The following RPS6KA3 variants were observed in gnomAD, a reference collection of about 807,000 sequenced individuals.
The protein encoded by RPS6KA3 is ribosomal protein S6 kinase A3.
In RPS6KA3, 4 loss-of-function variants were observed where a neutral mutation model predicts 67.2. The observed-to-expected ratio is 0.06, with a 90% CI of 0.03 to 0.14. RPS6KA3 has a LOEUF of 0.14. RPS6KA3 is among the 10% of genes least tolerant of loss of function. RPS6KA3 has a pLI of 1.00. For synonymous variants in RPS6KA3, 182 were observed against 183.7 expected, an observed-to-expected ratio of 0.99 and a Z score of 0.07; for missense variants, 204 against 559.0, an observed-to-expected ratio of 0.36 and a Z score of 6.40.
chrX:20,224,949 A>G (rs755757290), intron 2 of RPS6KA3, among the ~76,000 whole-genome samples: 71 of 111,647 alleles, frequency 6.4e-4, no homozygotes, highest in African/African-American at 2.1e-3. Context: ...CTTAGCCTGA[A>G]GTTCTTTTTA....
At position 20,152,823 on chromosome X, in the gene RPS6KA3, C is replaced by T. The variant is rs1294890602; in HGVS notation, c.*2575G>A. 1.8e-5 allele frequency: 2 copies of T among 111,978 alleles called. No homozygotes were observed. The highest frequency in any genetic ancestry group is 1.9e-5 in the Non-Finnish European group (1 of 53,199). The allele number at this position is 111,978 out of a possible 1,213,427, so 9.2% of individuals were successfully genotyped here. On this transcript the variant is annotated 3_prime_UTR_variant, in exon 22 of 22. Transcript: ENST00000379565. ...TTGGCTAGGCAAAGAAGGCAATTAT[C>T]TTCGAAAGAAATAAAAGTTGGCATC...
chrX:20,170,877 C>G (rs1049784535), intron 15 of RPS6KA3, among the ~76,000 whole-genome samples: 2 of 110,947 alleles, frequency 1.8e-5, no homozygotes, highest in East Asian at 2.8e-4. Flanking sequence ...TGAGCTCAAG[C>G]AATCCTTCCG....
At position 20,177,418 on chromosome X, in the gene RPS6KA3, A is replaced by G. The variant is rs750788872; in HGVS notation, c.846-334T>C. 2.1e-4 allele frequency among the ~76,000 whole-genome samples: 24 copies of G among 112,502 alleles called. 1 individual carries two copies. Among genetic ancestry groups the G allele is most frequent in the Admixed American group, 2.0e-3 (21 of 10,620 alleles). On this transcript the variant is annotated intron_variant, in intron 10 of 21. Transcript: ENST00000379565. Reference sequence around the variant, plus strand: ...CTTCTGTATGAATATGTCACAGTTTATTTATCCATTATCTGTTGAAGGACA... The same window carrying G: ...CTTCTGTATGAATATGTCACAGTTTGTTTATCCATTATCTGTTGAAGGACA...
intron 11 of RPS6KA3, 120 bp from the exon 12 acceptor site, chrX:20,176,618 G>C (rs2067706650): frequency 3.7e-6 from 2 of 535,324 alleles, no homozygotes; most frequent in Non-Finnish European, 6.3e-6. Context: ...TTGAGACAAG[G>C]GCTTGCTCTG....
chrX:20,189,071 C>T (rs1466640954), intron 7 of RPS6KA3, among the ~76,000 whole-genome samples: 3 of 112,042 alleles, frequency 2.7e-5, no homozygotes, highest in African/African-American at 6.5e-5. Flanking sequence ...TGAGCCACTG[C>T]GTGCCCAGCT....
At chrX:20,246,115 C>T (rs1349817285) in intron 1 of RPS6KA3, among the ~76,000 whole-genome samples, 2 of 76,637 alleles carry the variant, frequency 2.6e-5, no homozygotes, top group African/African-American at 6.8e-5. Flanking sequence ...GACTCCATCT[C>T]GGAAAAGAAA....
chrX:20,154,706 C>T lies in RPS6KA3; in HGVS notation c.*692G>A, dbSNP rs191110223. The T allele has an allele frequency of 8.8e-6, 1 of 113,368 alleles. No individual in the cohort carries two copies. Among genetic ancestry groups the T allele is most frequent in the Non-Finnish European group, 1.9e-5 (1 of 53,916 alleles). The allele number at this position is 113,368 out of a possible 1,213,427, so 9.3% of individuals were successfully genotyped here. On this transcript the variant is annotated 3_prime_UTR_variant, in exon 22 of 22. Coordinates refer to ENST00000379565, the MANE Select transcript of RPS6KA3 (RefSeq NM_004586.3). The stretch of plus-strand genomic sequence containing the variant: ...TGACTTTAAGAAACAAACAAATGAA[C>T]GAACCAGTGAAACAGACGTGGGGAA...
intron 16 of RPS6KA3, among the ~76,000 whole-genome samples, chrX:20,168,877 GGGTCTTGCTCTGCTGCGCTGGCTGGA>G (rs2067504745): frequency 9.0e-6 from 1 of 111,648 alleles, no homozygotes; most frequent in Non-Finnish European, 1.9e-5. Flanking sequence ...TTTTGAGACA[GGGTCTTGCTCTGCTGCGCTGGCTGGA>G]GTGCAGTGGT....
At chrX:20,214,700 C>T (rs752070722) in intron 2 of RPS6KA3, among the ~76,000 whole-genome samples, 1 of 111,566 alleles carries the variant, frequency 9.0e-6, no homozygotes, top group African/African-American at 3.3e-5. Flanking sequence ...TCTAACATAT[C>T]TTTGATAATT....
rs1466207169 is a variant in RPS6KA3 at position 20,153,766 on chromosome X, C to A, written c.*1632G>T. On this transcript the variant is annotated 3_prime_UTR_variant, in exon 22 of 22. Transcript: ENST00000379565. ...TCCTGAGTAGCTAGGATTACAGGTG[C>A]ACGCCACCATGCCCAGCTAATTTTT... The A allele has an allele frequency of 1.8e-5, 2 of 110,649 alleles. No individual in the cohort carries two copies. 9.1% of individuals were successfully genotyped at this position (110,649 alleles called of 1,213,427 possible).
At position 20,154,631 on chromosome X, in the gene RPS6KA3, G is replaced by A. The variant is rs1191912453; in HGVS notation, c.*767C>T. ...TCTTGATTTCATGCCACACACATAT[G>A]ATAACTTTCTCTACCATAACAGCTC... is the stretch of plus-strand genomic sequence containing the variant. On this transcript the variant is annotated 3_prime_UTR_variant, in exon 22 of 22. Coordinates refer to ENST00000379565, the MANE Select transcript of RPS6KA3 (RefSeq NM_004586.3). The A allele has an allele frequency of 8.9e-6, 1 of 112,903 alleles. No homozygotes were observed. Among genetic ancestry groups the A allele is most frequent in the Non-Finnish European group, 1.9e-5 (1 of 53,485 alleles). The allele number at this position is 112,903 out of a possible 1,213,427, so 9.3% of individuals were successfully genotyped here. A position where few individuals can be genotyped will look rare whatever the true frequency, so the allele number is the denominator to read the frequency against.
chrX:20,198,276 G>A (rs184444583), intron 4 of RPS6KA3, among the ~76,000 whole-genome samples: 1 of 112,022 alleles, frequency 8.9e-6, no homozygotes, highest in East Asian at 2.8e-4. Context: ...ACCAGAGAAA[G>A]CTAAAAATCT....
At chrX:20,206,343 A>C (rs1333057031) in intron 3 of RPS6KA3, among the ~76,000 whole-genome samples, 2 of 112,368 alleles carry the variant, frequency 1.8e-5, no homozygotes, top group Non-Finnish European at 3.8e-5. Flanking sequence ...GAAGCATGCT[A>C]ATTCCAACAA....
intron 1 of RPS6KA3, among the ~76,000 whole-genome samples, chrX:20,249,077 C>T (rs1343482747): frequency 8.9e-6 from 1 of 112,212 alleles, no homozygotes; most frequent in Non-Finnish European, 1.9e-5. Context: ...AATCATATAG[C>T]ATGTGACCTT....
At chrX:20,210,015 C>T (rs923736979) in intron 2 of RPS6KA3, among the ~76,000 whole-genome samples, 1 of 111,428 alleles carries the variant, frequency 9.0e-6, no homozygotes, top group African/African-American at 3.3e-5. Context: ...AACTCTAAAA[C>T]ACAAAAGGAG....
chrX:20,213,101 C>T (rs2068759857), intron 2 of RPS6KA3, among the ~76,000 whole-genome samples: 1 of 111,968 alleles, frequency 8.9e-6, no homozygotes, highest in South Asian at 3.7e-4. Flanking sequence ...ATGGCCTCAA[C>T]CTACTTTTGT....
intron 2 of RPS6KA3, among the ~76,000 whole-genome samples, chrX:20,226,113 C>T (rs962325647): frequency 9.0e-6 from 1 of 111,262 alleles, no homozygotes; most frequent in Non-Finnish European, 1.9e-5. Context: ...ACCTGGGAGG[C>T]GGAGGTTGCA....
At chrX:20,212,890 T>A (rs1243544908) in intron 2 of RPS6KA3, among the ~76,000 whole-genome samples, 1 of 112,047 alleles carries the variant, frequency 8.9e-6, no homozygotes, top group East Asian at 2.8e-4. Flanking sequence ...TAAGCCTTCA[T>A]TACCTTTCAG....
At chrX:20,256,767 T>C (rs974862508) in intron 1 of RPS6KA3, among the ~76,000 whole-genome samples, 1 of 112,015 alleles carries the variant, frequency 8.9e-6, no homozygotes, top group Non-Finnish European at 1.9e-5. Flanking sequence ...TCCTAGTTCA[T>C]GCCAGGATCA....
Sources: gnomAD v4.1 joint callset for allele counts (sites outside exome capture counted in the v4.1 genomes callset) on GRCh38, gnomAD v4.1.1 for gene constraint, MANE v1.5 for transcripts, NCBI Gene and HGNC (gene_info 2026-07-23, HGNC 2026-07-21) for gene names.